The following HSF5 variants were observed in gnomAD, a reference collection of about 807,000 sequenced individuals.
The protein encoded by HSF5 is heat shock factor protein 5.
A neutral mutation model predicts 50.8 loss-of-function variants in HSF5; 5 were observed. The ratio of observed to expected loss-of-function variants is 0.10; its 90% CI spans 0.05 to 0.21. The LOEUF is 0.21. Among genes scored for constraint, HSF5 ranks in the 10% least tolerant of loss-of-function variants. The probability of loss-of-function intolerance (pLI) is 1.00; values close to 1 mark genes in which losing one functional copy is unlikely to be tolerated. For missense variants in HSF5, 564 were observed against 762.6 expected (o/e 0.74, Z 3.07); for synonymous variants, 307 against 307.4 (o/e 1.00, Z 0.02).
chr17:58,457,272 T>A (rs183711307), intron 5 of HSF5, among the ~76,000 whole-genome samples: 2,584 of 108,684 alleles, frequency 0.024, 78 homozygotes, highest in Admixed American at 0.1. Flanking sequence ...AAAAAAAAAA[T>A]AATAATAATA....
chr17:58,443,830 T>C (rs1226728071), intron 5 of HSF5, among the ~76,000 whole-genome samples: 1 of 152,196 alleles, frequency 6.6e-6, no homozygotes, highest in African/African-American at 2.4e-5. Context: ...TAAGATGATG[T>C]AGAAAAAACA....
At chr17:58,456,637 A>G (rs920986397) in intron 5 of HSF5, among the ~76,000 whole-genome samples, 6 of 152,222 alleles carry the variant, frequency 3.9e-5, no homozygotes, top group African/African-American at 1.4e-4. Context: ...ATTACACTAC[A>G]TATACATGTG....
At chr17:58,482,062 G>A (rs1286523286) in intron 1 of HSF5, among the ~76,000 whole-genome samples, 1 of 152,116 alleles carries the variant, frequency 6.6e-6, no homozygotes, top group Non-Finnish European at 1.5e-5. Context: ...CTATGATCGT[G>A]CCACTGCACT....
At position 58,462,945 on chromosome 17, in the gene HSF5, T is replaced by C. The variant is rs1334997434; in HGVS notation, c.1379A>G (p.Tyr460Cys). The change falls in exon 4 of 6, where the codon TAC becomes TGC. Residue 460 changes from tyrosine to cysteine, a missense_variant. By Grantham distance (194) the Tyr-to-Cys change is radical. Transcript: ENST00000323777. ...CTGAGCTGTGTGGATGGTATAGATG[T>C]ACTCAGGTGACTGTGGTAGAGAGCA... is the stretch of plus-strand genomic sequence containing the variant. ...VACSLPQSPE[Y>C]IYTIHTAQPV... 1 of 1,614,084 alleles carries C rather than the reference T, an allele frequency of 6.2e-7. No individual in the cohort carries two copies. Among genetic ancestry groups the C allele is most frequent in the African/African-American group, 1.3e-5 (1 of 74,924 alleles).
intron 2 of HSF5, among the ~76,000 whole-genome samples, chr17:58,475,201 A>C (rs753944586): frequency 1.3e-5 from 2 of 152,212 alleles, no homozygotes; most frequent in Non-Finnish European, 2.9e-5. Context: ...AGGTACAATG[A>C]GCCAACGATA....
chr17:58,484,465 G>A (rs1363409571), intron 1 of HSF5, among the ~76,000 whole-genome samples: 1 of 152,152 alleles, frequency 6.6e-6, no homozygotes, highest in Admixed American at 6.5e-5. Context: ...GAAGAGAAAA[G>A]AGCAAGTGTT....
intron 5 of HSF5, among the ~76,000 whole-genome samples, chr17:58,445,308 G>A (rs116246280): frequency 1.3e-5 from 2 of 152,250 alleles, no homozygotes; most frequent in African/African-American, 2.4e-5. Flanking sequence ...AGCCAGGCGC[G>A]GTGGCACACG....
intron 5 of HSF5, among the ~76,000 whole-genome samples, chr17:58,431,264 C>T (rs1209634802): frequency 5.9e-5 from 9 of 152,144 alleles, no homozygotes; most frequent in Non-Finnish European, 1.2e-4. Context: ...AGTGTGAAAT[C>T]GGACTAACAC....
chr17:58,458,892 T>C lies in HSF5; in HGVS notation c.1596A>G (p.Ser532=), dbSNP rs1181278530. ...CTGAAATGAGGAATCCCATCTGTTC[T>C]GACGGCAAGATATTCTCACGTGAAC... ...QTSSRENILP[S]EQMGFLISEM... The change falls in exon 5 of 6, where the codon TCA becomes TCG. Residue 532 remains serine (S), a synonymous_variant. Transcript: ENST00000323777. 2.5e-6 allele frequency: 4 copies of C among 1,614,006 alleles called. No homozygotes were observed. The highest frequency in any genetic ancestry group is 1.3e-5 in the African/African-American group (1 of 74,934).
chr17:58,478,372 G>A lies in HSF5; in HGVS notation c.925+1521C>T, dbSNP rs1406666977. ...GGCGCCTGTAGTCCCAGCTACTCGGGAGGCTGAGGCAGGAGAATCACTGGA... is the reference window on the plus strand; with the variant it reads ...GGCGCCTGTAGTCCCAGCTACTCGGAAGGCTGAGGCAGGAGAATCACTGGA... On this transcript the variant is annotated intron_variant, in intron 2 of 5. Transcript: ENST00000323777. 2.0e-5 allele frequency among the ~76,000 whole-genome samples: 3 copies of A among 149,194 alleles called. No homozygotes were observed. The Admixed American group carries it at 2.0e-4, about 10-fold the overall frequency.
intron 2 of HSF5, chr17:58,476,092 T>A: frequency 1.3e-6 from 1 of 747,114 alleles, no homozygotes; most frequent in Non-Finnish European, 2.0e-6. Context: ...TGGAGAAAAT[T>A]TTTAAAAAGG....
chr17:58,432,123 T>G (rs550095603), intron 5 of HSF5, among the ~76,000 whole-genome samples: 136 of 152,178 alleles, frequency 8.9e-4, no homozygotes, highest in Non-Finnish European at 1.5e-3. Context: ...TTCCATAAAT[T>G]TTTAAAAAGT....
intron 5 of HSF5, among the ~76,000 whole-genome samples, chr17:58,445,858 G>A (rs974554094): frequency 6.6e-6 from 1 of 152,156 alleles, no homozygotes; most frequent in African/African-American, 2.4e-5. Context: ...AAATGGGGCT[G>A]GGAGTGGTGG....
At chr17:58,485,469 C>T (rs1975156816) in intron 1 of HSF5, among the ~76,000 whole-genome samples, 1 of 151,498 alleles carries the variant, frequency 6.6e-6, no homozygotes, top group Non-Finnish European at 1.5e-5. Flanking sequence ...ACAGGCCTGG[C>T]GCAGTGGTGG....
chr17:58,425,690 C>G (rs1388111778), intron 5 of HSF5, among the ~76,000 whole-genome samples: 1 of 145,782 alleles, frequency 6.9e-6, no homozygotes, highest in Non-Finnish European at 1.5e-5. Flanking sequence ...ATAATGATAA[C>G]AGTAATACAT....
chr17:58,467,128 G>T, intron 2 of HSF5, 149 bp from the exon 3 acceptor site: 3 of 587,186 alleles, frequency 5.1e-6, no homozygotes, highest in South Asian at 4.2e-5. Flanking sequence ...ATTAGGTGGT[G>T]TTATTTATTG....
rs923510372 is a variant in HSF5 at position 58,484,170 on chromosome 17, T to C, written c.550+3555A>G. Among the ~76,000 whole-genome samples, 99 of 148,676 alleles carry C rather than the reference T, an allele frequency of 6.7e-4. 1 individual carries two copies. The highest frequency in any genetic ancestry group is 2.4e-3 in the African/African-American group (98 of 40,208). On this transcript the variant is annotated intron_variant, in intron 1 of 5. Coordinates refer to ENST00000323777, the MANE Select transcript of HSF5 (RefSeq NM_001080439.3). Reference sequence around the variant, plus strand: ...TGGTATAGACAGTCCACACCTGACATACCTTCTGCACATACCAACAGGTAG... The same window carrying C: ...TGGTATAGACAGTCCACACCTGACACACCTTCTGCACATACCAACAGGTAG...
chr17:58,481,631 C>G (rs2143808650), intron 1 of HSF5, among the ~76,000 whole-genome samples: 1 of 152,340 alleles, frequency 6.6e-6, no homozygotes, highest in South Asian at 2.1e-4. Flanking sequence ...ATCTGCTTTT[C>G]CAAATAATTA....
intron 5 of HSF5, among the ~76,000 whole-genome samples, chr17:58,438,640 T>C (rs1318976068): frequency 1.3e-5 from 2 of 152,062 alleles, no homozygotes; most frequent in African/African-American, 4.8e-5. Flanking sequence ...AGGTGTTGAC[T>C]ATTTCTTGAC....
Sources: gnomAD v4.1 joint callset for allele counts (sites outside exome capture counted in the v4.1 genomes callset) on GRCh38, gnomAD v4.1.1 for gene constraint, MANE v1.5 for transcripts, NCBI Gene and HGNC (gene_info 2026-07-23, HGNC 2026-07-21) for gene names.